Variants in PTPRT observed in about 807,000 individuals in gnomAD.
PTPRT encodes protein tyrosine phosphatase receptor type T.
PTPRT carries 56 observed loss-of-function variants against 176.8 expected under a neutral mutation model. That is an observed-to-expected ratio of 0.32 (90% CI 0.26 to 0.40). The LOEUF is 0.40. PTPRT is among the 10% of genes least tolerant of loss of function. The probability of loss-of-function intolerance (pLI) is 1.00; values close to 1 mark genes in which losing one functional copy is unlikely to be tolerated. For synonymous variants in PTPRT, 783 were observed against 739.0 expected (o/e 1.06, Z -0.96); for missense variants, 1,540 against 1,908.2 (o/e 0.81, Z 3.60).
intron 7 of PTPRT, among the ~76,000 whole-genome samples, chr20:42,598,642 A>T (rs78118567): frequency 6.6e-6 from 1 of 152,230 alleles, no homozygotes; most frequent in African/African-American, 2.4e-5. Context: ...TAGTTTTTCA[A>T]ACCAATTCCT....
Position 42,595,608 on chromosome 20 carries a change from C to A in PTPRT, c.1153+82258G>T, listed in dbSNP as rs538234065. ...TTAGTCTGACATCTCTCCTATAAGC[C>A]CACCGACTGGAGACCCCAAGCATGC... On this transcript the variant is annotated intron_variant, in intron 7 of 30. Transcript: ENST00000373187. 1.1e-4 allele frequency among the ~76,000 whole-genome samples: 17 copies of A among 152,238 alleles called. 1 individual carries two copies. The highest frequency in any genetic ancestry group is 2.2e-4 in the Non-Finnish European group (15 of 68,018).
chr20:42,508,198 CA>C (rs11480753), intron 7 of PTPRT, among the ~76,000 whole-genome samples: 1,748 of 136,222 alleles, frequency 0.013, 28 homozygotes, highest in African/African-American at 0.039. Flanking sequence ...TTTAGATATG[CA>C]AAAAAAAAAA....
rs545590257 is a variant in PTPRT, at chr20:42,185,099, C to T, written c.2491+14141G>A. On this transcript the variant is annotated intron_variant, in intron 16 of 30. Coordinates refer to ENST00000373187, the MANE Select transcript of PTPRT (RefSeq NM_007050.6). Reference sequence around the variant, plus strand: ...TTCGGAGTTTCAATAACTAGAGAAACATCTTGGCTGCCAGGACAAGTGGTG... The same window carrying T: ...TTCGGAGTTTCAATAACTAGAGAAATATCTTGGCTGCCAGGACAAGTGGTG... Among the ~76,000 whole-genome samples the T allele has an allele frequency of 5.9e-5, 9 of 152,194 alleles. No individual in the cohort carries two copies. The South Asian group carries it at 8.3e-4, about 14-fold the overall frequency.
intron 6 of PTPRT, among the ~76,000 whole-genome samples, chr20:42,718,735 A>C (rs527468801): frequency 6.6e-6 from 1 of 152,254 alleles, no homozygotes; most frequent in East Asian, 1.9e-4. Context: ...GAGACCGAGG[A>C]GGGCTTCTGA....
chr20:42,409,780 T>A (rs185441100), intron 9 of PTPRT, among the ~76,000 whole-genome samples: 281 of 152,338 alleles, frequency 1.8e-3, no homozygotes, highest in Middle Eastern at 6.8e-3. Flanking sequence ...CTTTGTAAAG[T>A]TTTGTTAGAA....
intron 11 of PTPRT, among the ~76,000 whole-genome samples, chr20:42,317,317 T>C (rs1311183268): frequency 1.3e-5 from 2 of 152,216 alleles, no homozygotes; most frequent in Non-Finnish European, 2.9e-5. Context: ...ACTCTCTTTG[T>C]AAAAGTTCTT....
intron 1 of PTPRT, among the ~76,000 whole-genome samples, chr20:42,982,159 G>A (rs149724501): frequency 6.6e-5 from 10 of 152,262 alleles, no homozygotes; most frequent in East Asian, 1.9e-4. Context: ...AAAGACCTTC[G>A]TTAGGTTGAC....
At chr20:42,840,116 A>G (rs80196814) in intron 2 of PTPRT, among the ~76,000 whole-genome samples, 1 of 152,132 alleles carries the variant, frequency 6.6e-6, no homozygotes, top group African/African-American at 2.4e-5. Context: ...TCTGAAACCT[A>G]TAGGGAAGAA....
chr20:42,163,618 A>G (rs1989703097), intron 16 of PTPRT, among the ~76,000 whole-genome samples: 1 of 152,196 alleles, frequency 6.6e-6, no homozygotes, highest in Admixed American at 6.5e-5. Flanking sequence ...TCCACCCTCA[A>G]GGCTTGACTG....
At chr20:42,520,472 G>A (rs1029727233) in intron 7 of PTPRT, among the ~76,000 whole-genome samples, 2 of 151,874 alleles carry the variant, frequency 1.3e-5, no homozygotes, top group Non-Finnish European at 2.9e-5. Context: ...CAGGCACCAC[G>A]GCTTAGATTT....
chr20:42,469,693 G>A (rs2071160916), intron 8 of PTPRT, among the ~76,000 whole-genome samples: 1 of 148,642 alleles, frequency 6.7e-6, no homozygotes, highest in Non-Finnish European at 1.5e-5. Context: ...GTTTTACAGA[G>A]TCTACTCCAA....
chr20:42,454,222 T>C (rs2070882251), intron 8 of PTPRT, among the ~76,000 whole-genome samples: 1 of 152,182 alleles, frequency 6.6e-6, no homozygotes, highest in Non-Finnish European at 1.5e-5. Context: ...AATATATTCC[T>C]ATTTATTCCA....
chr20:42,745,525 G>A (rs1449398570), intron 6 of PTPRT, among the ~76,000 whole-genome samples: 2 of 152,182 alleles, frequency 1.3e-5, no homozygotes, highest in Non-Finnish European at 2.9e-5. Flanking sequence ...ATTGCCAAAT[G>A]TCCCCTGGAA....
At chr20:42,056,980 C>T in the PTPRT span, among the ~76,000 whole-genome samples, 2 of 152,318 alleles carry the variant, frequency 1.3e-5, no homozygotes, top group South Asian at 4.1e-4. Flanking sequence ...GAAGCTTTCC[C>T]AGACATGTCC....
chr20:42,458,314 T>C (rs1268640514), intron 8 of PTPRT, among the ~76,000 whole-genome samples: 5 of 152,310 alleles, frequency 3.3e-5, no homozygotes, highest in Middle Eastern at 3.4e-3. Flanking sequence ...AAAGGCAGTA[T>C]TGTAGAATTA....
At chr20:42,975,010 G>T (rs1243302979) in intron 1 of PTPRT, among the ~76,000 whole-genome samples, 1 of 152,072 alleles carries the variant, frequency 6.6e-6, no homozygotes, top group East Asian at 1.9e-4. Flanking sequence ...TTAACCATGA[G>T]TCATCACAGA....
At chr20:42,760,517 A>G (rs1321624545) in intron 5 of PTPRT, among the ~76,000 whole-genome samples, 1 of 151,888 alleles carries the variant, frequency 6.6e-6, no homozygotes, top group Non-Finnish European at 1.5e-5. Context: ...TCACATAAAT[A>G]AATCACTCCG....
chr20:43,007,546 C>T (rs2146143549), intron 1 of PTPRT, among the ~76,000 whole-genome samples: 1 of 152,232 alleles, frequency 6.6e-6, no homozygotes, highest in South Asian at 2.1e-4. Context: ...TTTGCTTATC[C>T]AGCTGAATCC....
chr20:42,900,793 G>A (rs1476598012), intron 1 of PTPRT, among the ~76,000 whole-genome samples: 1 of 151,896 alleles, frequency 6.6e-6, no homozygotes, highest in Non-Finnish European at 1.5e-5. Flanking sequence ...GTGGCCTTTG[G>A]AACACCAAGC....
Sources: gnomAD v4.1 joint callset for allele counts (sites outside exome capture counted in the v4.1 genomes callset) on GRCh38, gnomAD v4.1.1 for gene constraint, MANE v1.5 for transcripts, NCBI Gene and HGNC (gene_info 2026-07-23, HGNC 2026-07-21) for gene names.